POTEF: variants seen among roughly 807,000 people sequenced by gnomAD.
The protein encoded by POTEF is POTE ankyrin domain family member F, also known as ANKRD26-like family C member 1B.
In POTEF, 20 loss-of-function variants were observed where a neutral mutation model predicts 83.2. The ratio of observed to expected loss-of-function variants is 0.24; its 90% CI spans 0.17 to 0.35. The LOEUF (loss-of-function observed/expected upper bound fraction) is 0.35, where lower values mean the gene tolerates loss of function less well. POTEF is among the 10% of genes least tolerant of loss of function. The probability of loss-of-function intolerance (pLI) is 1.00; values close to 1 mark genes in which losing one functional copy is unlikely to be tolerated. For missense variants in POTEF, 550 were observed against 1,203.2 expected (o/e 0.46, Z 8.03); for synonymous variants, 196 against 446.4 (o/e 0.44, Z 7.07).
chr2:130,110,328 A>T (rs2104815048), intron 7 of POTEF, among the ~76,000 whole-genome samples: 1 of 150,256 alleles, frequency 6.7e-6, no homozygotes, highest in East Asian at 2.0e-4. Context: ...AAAGATCTTA[A>T]AAGTCCTGAG....
At chr2:130,125,598 G>C (rs1312703407) in intron 2 of POTEF, among the ~76,000 whole-genome samples, 1 of 151,374 alleles carries the variant, frequency 6.6e-6, no homozygotes, top group Non-Finnish European at 1.5e-5. Context: ...GACACTGCAG[G>C]TTCTTAGATA....
intron 5 of POTEF, among the ~76,000 whole-genome samples, chr2:130,112,846 T>C (rs2599866): frequency 1.3e-5 from 2 of 150,638 alleles, no homozygotes; most frequent in Non-Finnish European, 1.5e-5. Flanking sequence ...AATTTGCTAC[T>C]ATTCTAATTG....
chr2:130,126,507 C>T lies in POTEF; in HGVS notation c.-94+1202G>A, dbSNP rs888434354. Among the ~76,000 whole-genome samples the T allele has an allele frequency of 1.4e-4, 21 of 152,162 alleles. No individual in the cohort carries two copies. The South Asian group carries it at 1.9e-3, about 14-fold the overall frequency. Reference sequence around the variant, plus strand: ...CATTTTTTGATTCTCTGAATAACTACTTACAACGCATTAGCCCATTTATGC... The same window carrying T: ...CATTTTTTGATTCTCTGAATAACTATTTACAACGCATTAGCCCATTTATGC... On this transcript the variant is annotated intron_variant, in intron 2 of 16. Transcript: ENST00000409914.
chr2:130,075,808 C>T (rs1297408849), intron 16 of POTEF, among the ~76,000 whole-genome samples: 1 of 137,052 alleles, frequency 7.3e-6, no homozygotes, highest in Non-Finnish European at 1.6e-5. Context: ...CTCCTAAATT[C>T]CTAAAAGTTT....
chr2:130,124,728 G>T (rs1378801637), intron 2 of POTEF, among the ~76,000 whole-genome samples: 1 of 99,932 alleles, frequency 1.0e-5, no homozygotes, highest in Non-Finnish European at 2.1e-5. Flanking sequence ...GGAAAACAGA[G>T]GTTTCTCCTA....
chr2:130,128,256 G>A (rs1326493677), intron 1 of POTEF, among the ~76,000 whole-genome samples: 1 of 151,164 alleles, frequency 6.6e-6, no homozygotes, highest in Non-Finnish European at 1.5e-5. Flanking sequence ...CCCCAACACA[G>A]AGCATGGGGT....
chr2:130,115,431 C>T (rs1684822363), intron 3 of POTEF, 103 bp from the exon 4 acceptor site: 1 of 1,162,872 alleles, frequency 8.6e-7, no homozygotes, highest in Admixed American at 2.8e-5. Context: ...TATTACTCTG[C>T]CTTCAAAACA....
intron 15 of POTEF, 66 bp from the exon 16 acceptor site, chr2:130,077,267 GGC>G (rs1683841275): frequency 1.9e-6 from 1 of 525,190 alleles, no homozygotes; most frequent in Non-Finnish European, 3.5e-6. Flanking sequence ...AGGGCAAGAT[GGC>G]GCCATCAGAT....
intron 8 of POTEF, among the ~76,000 whole-genome samples, chr2:130,107,317 A>T (rs1339180127): frequency 2.0e-5 from 3 of 150,944 alleles, no homozygotes; most frequent in Non-Finnish European, 4.4e-5. Flanking sequence ...CCAACTTCAA[A>T]TGAGGAGGAA....
Position 130,075,523 on chromosome 2 carries a change from G to A in POTEF, c.1949C>T (p.Thr650Met), listed in dbSNP as rs527534486. The change falls in exon 17 of 17, where the codon ACG becomes ATG. Residue 650 changes from threonine (T) to methionine (M), a missense_variant. Coordinates refer to ENST00000409914, the MANE Select transcript of POTEF (RefSeq NM_001099771.2). Reference sequence around the variant, plus strand: ...TAGCATGGCAATTTCTTCCCGCAACGTACTATTTTCATGCAAGATGTCTTT... The same window carrying A: ...TAGCATGGCAATTTCTTCCCGCAACATACTATTTTCATGCAAGATGTCTTT... ...KEKDILHENS[T>M]LREEIAMLRL... The A allele has an allele frequency of 8.9e-4, 1,439 of 1,608,564 alleles. 22 individuals are homozygous for A. In the Middle Eastern group the frequency reaches 9.2e-3, roughly 10 times the overall value.
chr2:130,122,258 G>A (rs1355056309), intron 2 of POTEF, among the ~76,000 whole-genome samples: 1 of 150,466 alleles, frequency 6.6e-6, no homozygotes. Flanking sequence ...ACTTTTTGTT[G>A]CTATAAATAC....
At chr2:130,102,713 G>A (rs1684407418) in intron 8 of POTEF, among the ~76,000 whole-genome samples, 1 of 150,842 alleles carries the variant, frequency 6.6e-6, no homozygotes, top group South Asian at 2.1e-4. Context: ...TTCACTCAGA[G>A]CTGTTTTTAC....
chr2:130,107,860 A>G (rs1684585541), intron 8 of POTEF, 149 bp downstream of exon 8: 2 of 669,844 alleles, frequency 3.0e-6, no homozygotes, highest in East Asian at 5.5e-5. Flanking sequence ...AATATAAAGT[A>G]GCACAATAAA....
rs1684013261 is a variant in POTEF at position 130,086,340 on chromosome 2, T to TAC, written c.1596+1_1596+2dup. ...ACACAAACGTTTGAATATAAAGGTA[T>TAC]ACCTCTCTATCACCATCCTTATTTA... On this transcript the variant is annotated splice_region_variant and intron_variant, in intron 14 of 16. Coordinates refer to ENST00000409914, the MANE Select transcript of POTEF (RefSeq NM_001099771.2). 1.3e-6 allele frequency: 2 copies of TAC among 1,565,640 alleles called. No individual in the cohort carries two copies. The highest frequency in any genetic ancestry group is 3.7e-5 in the Admixed American group (2 of 53,730).
At position 130,123,554 on chromosome 2, in the gene POTEF, T is replaced by C. The variant is rs1160926061; in HGVS notation, c.-93-2946A>G. On this transcript the variant is annotated intron_variant, in intron 2 of 16. Coordinates refer to ENST00000409914, the MANE Select transcript of POTEF (RefSeq NM_001099771.2). ...TGTAGTGTATAAAAATAATCCTAAT[T>C]TCATTGTATATTCTGTAAGTGACAT... 5.3e-5 allele frequency among the ~76,000 whole-genome samples: 8 copies of C among 152,082 alleles called. No homozygotes were observed. The East Asian group carries it at 1.5e-3, about 29-fold the overall frequency.
At chr2:130,102,900 T>C (rs3863883) in intron 8 of POTEF, among the ~76,000 whole-genome samples, 1 of 151,534 alleles carries the variant, frequency 6.6e-6, no homozygotes, top group Admixed American at 6.6e-5. Context: ...GATGCAAATC[T>C]GCTGAGCTGT....
At position 130,127,274 on chromosome 2, in the gene POTEF, G is replaced by A. The variant is rs574303733; in HGVS notation, c.-94+435C>T. Among the ~76,000 whole-genome samples, 289 of 120,202 alleles carry A rather than the reference G, an allele frequency of 2.4e-3. 3 individuals are homozygous for A. The highest frequency in any genetic ancestry group is 9.0e-3 in the African/African-American group (272 of 30,208). The allele number at this position is 120,202 out of a possible 152,430, so 78.9% of individuals were successfully genotyped here. A position where few individuals can be genotyped will look rare whatever the true frequency, so the allele number is the denominator to read the frequency against. On this transcript the variant is annotated intron_variant, in intron 2 of 16. Transcript: ENST00000409914. Reference sequence around the variant, plus strand: ...CAGGAAGCAGAGCTTGCAGTGAGCCGAGATCACACCACGGCACTCCAGCCT... The same window carrying A: ...CAGGAAGCAGAGCTTGCAGTGAGCCAAGATCACACCACGGCACTCCAGCCT...
chr2:130,122,954 C>T (rs988501159), intron 2 of POTEF, among the ~76,000 whole-genome samples: 1 of 146,644 alleles, frequency 6.8e-6, no homozygotes, highest in African/African-American at 2.5e-5. Flanking sequence ...AATCTCACCC[C>T]TTCCCTTCCT....
Position 130,074,275 on chromosome 2 carries a change from C to T in POTEF, c.3197G>A (p.Gly1066Asp), listed in dbSNP as rs370212198. The T allele has an allele frequency of 8.7e-6, 14 of 1,608,450 alleles. No individual in the cohort carries two copies. The East Asian group carries it at 8.9e-5, about 10-fold the overall frequency. Residue 1066 changes from glycine (G) to aspartate (D), a missense_variant, in exon 17 of 17, where the codon GGC (glycine) becomes GAC (aspartate). Transcript: ENST00000409914. ...GCATTTGCGGTGGACAATGGAGGGG[C>T]CTGACTCATCATACTCCTGCTTGCT... The part of the protein sequence containing the change: ...WISKQEYDES[G>D]PSIVHRKCL
Sources: allele counts gnomAD v4.1 joint callset (sites outside exome capture counted in the v4.1 genomes callset), GRCh38; gene constraint gnomAD v4.1.1; transcripts MANE v1.5; gene names NCBI Gene and HGNC (gene_info 2026-07-23, HGNC 2026-07-21).